The following NUMA1 variants were observed in gnomAD, a reference collection of about 807,000 sequenced individuals.
The protein encoded by NUMA1 is nuclear mitotic apparatus protein 1.
A neutral mutation model predicts 237.1 loss-of-function variants in NUMA1; 62 were observed. That is an observed-to-expected ratio of 0.26 (90% CI 0.21 to 0.32). NUMA1 has a LOEUF of 0.32. Among genes scored for constraint, NUMA1 ranks in the 10% least tolerant of loss-of-function variants. The pLI, the probability that NUMA1 is intolerant of heterozygous loss-of-function variation, is 1.00. For missense variants in NUMA1, 2,533 were observed against 2,666.5 expected (o/e 0.95, Z 1.10); for synonymous variants, 1,028 against 1,066.1 (o/e 0.96, Z 0.70).
chr11:72,012,327 C>A (rs1311040872), intron 16 of NUMA1, 74 bp downstream of exon 16: 2 of 1,443,358 alleles, frequency 1.4e-6, no homozygotes, highest in Non-Finnish European at 1.9e-6. Flanking sequence ...CGGAGGCAAG[C>A]TGCAGCCGGG....
At chr11:72,070,200 AACT>A (rs1218637050) in intron 1 of NUMA1, 1 of 152,188 alleles carries the variant, frequency 6.6e-6, no homozygotes, top group Non-Finnish European at 1.5e-5. Context: ...TAAGCCAGAA[AACT>A]TCTTCCTCAG....
chr11:72,017,945 A>C, intron 12 of NUMA1, 118 bp from the exon 13 acceptor site: 1 of 1,235,158 alleles, frequency 8.1e-7, no homozygotes. Context: ...ACCCTCTACA[A>C]ACCAATCACA....
At chr11:72,035,406 C>CT (rs200551589) in intron 3 of NUMA1, among the ~76,000 whole-genome samples, 5 of 144,186 alleles carry the variant, frequency 3.5e-5, no homozygotes, top group African/African-American at 1.0e-4. Context: ...ACCACCCCCC[C>CT]TTTTTTTTTT....
At position 72,003,912 on chromosome 11, in the gene NUMA1, CCAATGGCGGCAG is replaced by C; in HGVS notation, c.6299_6310del (p.Ala2100_Ile2103del). Reference sequence around the variant, plus strand: ...CTTGCCCTTGGCTCGAGGGGTGGCACCAATGGCGGCAGCAGTGGCGGCGCTGGCTGTGGTGGT... The same window carrying C: ...CTTGCCCTTGGCTCGAGGGGTGGCACCAGTGGCGGCGCTGGCTGTGGTGGT... On this transcript the variant is annotated inframe_deletion, in exon 26 of 27. Transcript: ENST00000393695. 6.2e-7 allele frequency: 1 copy of C among 1,613,508 alleles called. No individual in the cohort carries two copies. Among genetic ancestry groups the C allele is most frequent in the Non-Finnish European group, 8.5e-7 (1 of 1,179,832 alleles).
chr11:72,013,580 G>A lies in NUMA1; in HGVS notation c.3923C>T (p.Ser1308Leu), dbSNP rs1454664729. ...REEAEKQRVA[S>L]ENLRQELTSQ... The stretch of plus-strand genomic sequence containing the variant: ...GGTCAGCTCCTGCCGCAGGTTCTCT[G>A]AAGCCACCCGCTGTTTCTCAGCCTC... Residue 1308 changes from serine (S) to leucine (L), a missense_variant, in exon 15 of 27, where the codon TCA becomes TTA. By Grantham distance (145) the Ser-to-Leu change is moderately radical. Coordinates refer to ENST00000393695, the MANE Select transcript of NUMA1 (RefSeq NM_006185.4). The surrounding 1 kb of genome is among the most constrained non-coding windows in gnomAD (Gnocchi z 6.8). 2 of 1,612,846 alleles carry A rather than the reference G, an allele frequency of 1.2e-6. No homozygotes were observed. The highest frequency in any genetic ancestry group is 1.7e-6 in the Non-Finnish European group (2 of 1,180,024).
chr11:72,046,868 G>C (rs1306880384), intron 2 of NUMA1, among the ~76,000 whole-genome samples: 2 of 152,188 alleles, frequency 1.3e-5, no homozygotes, highest in South Asian at 4.1e-4. Context: ...GCTGAGGCAA[G>C]AGAATCACTT....
chr11:72,073,917 T>A (rs1943581892), intron 1 of NUMA1, among the ~76,000 whole-genome samples: 1 of 152,100 alleles, frequency 6.6e-6, no homozygotes, highest in Non-Finnish European at 1.5e-5. Flanking sequence ...CGAGGCTGGC[T>A]GCGGTGGATC....
rs535003776 is a variant in NUMA1, at chr11:72,080,391, C to T, written c.-103+67G>A. The T allele has an allele frequency of 2.0e-5, 3 of 151,504 alleles. No homozygotes were observed. The South Asian group carries it at 6.2e-4, about 32-fold the overall frequency. 9.4% of individuals were successfully genotyped at this position (151,504 alleles called of 1,614,324 possible). ...CGCTCGCAGCGGCCTCTCCAGCACC[C>T]CTTTTAGGCCTGAGCACCCGCAGGG... On this transcript the variant is annotated intron_variant, in intron 1 of 26. Coordinates refer to ENST00000393695, the MANE Select transcript of NUMA1 (RefSeq NM_006185.4).
chr11:72,037,460 C>G (rs1021749574), intron 2 of NUMA1, among the ~76,000 whole-genome samples: 1 of 151,910 alleles, frequency 6.6e-6, no homozygotes, highest in Non-Finnish European at 1.5e-5. Context: ...GAGCCGAGAT[C>G]GCACCACTGC....
At chr11:72,022,011 A>C (rs1030586206) in intron 7 of NUMA1, among the ~76,000 whole-genome samples, 19 of 151,846 alleles carry the variant, frequency 1.3e-4, no homozygotes, top group African/African-American at 4.4e-4. Flanking sequence ...GGGGAAAAAA[A>C]ACACACACAC....
At chr11:72,036,950 G>A (rs1356456391) in intron 2 of NUMA1, among the ~76,000 whole-genome samples, 3 of 152,148 alleles carry the variant, frequency 2.0e-5, no homozygotes, top group African/African-American at 7.2e-5. Flanking sequence ...TCTAGAAGGA[G>A]GAACAAGAGT....
At chr11:72,018,058 AG>A in intron 12 of NUMA1, 124 bp downstream of exon 12, 2 of 917,770 alleles carry the variant, frequency 2.2e-6, no homozygotes, top group Non-Finnish European at 3.5e-6. Context: ...CAAAATATGC[AG>A]GTCTCTGGAG....
intron 1 of NUMA1, among the ~76,000 whole-genome samples, chr11:72,077,806 TCC>T (rs1565303233): frequency 9.3e-6 from 1 of 107,686 alleles, no homozygotes. Context: ...AGAGTGAGAC[TCC>T]ATCTCAAAAA....
intron 2 of NUMA1, among the ~76,000 whole-genome samples, chr11:72,054,623 T>C (rs984389566): frequency 6.6e-6 from 1 of 152,054 alleles, no homozygotes. Context: ...GCAAAGATCA[T>C]GAGGCTAATA....
chr11:72,059,615 G>T (rs370943082), intron 2 of NUMA1, among the ~76,000 whole-genome samples: 1 of 152,152 alleles, frequency 6.6e-6, no homozygotes, highest in Admixed American at 6.6e-5. Flanking sequence ...GTAAGAATGT[G>T]CCACAACTTT....
chr11:72,079,531 C>G (rs1363589593), intron 1 of NUMA1, among the ~76,000 whole-genome samples: 13 of 150,616 alleles, frequency 8.6e-5, no homozygotes. Context: ...TAGGGCGAGA[C>G]TCCGTCTCAA....
At chr11:72,007,140 A>G (rs1167418836) in intron 21 of NUMA1, 49 bp downstream of exon 21, 1 of 1,594,174 alleles carries the variant, frequency 6.3e-7, no homozygotes, top group Non-Finnish European at 8.5e-7. Flanking sequence ...GATGCCCTTG[A>G]GAGGAAGTGG....
At chr11:72,003,585 GCCTGCACCCACTGGCTGGGAAGATCTCTT>G (rs1955415102) in intron 26 of NUMA1, 47 bp from the exon 27 acceptor site, 1 of 1,612,696 alleles carries the variant, frequency 6.2e-7, no homozygotes, top group South Asian at 1.1e-5. Context: ...TGCGATACTA[GCCTGCACCCACTGGCTGGGAAGATCTCTT>G]CCTGCTCCCA....
At chr11:72,008,656 AACAG>A in intron 20 of NUMA1, 28 bp downstream of exon 20, 6 of 1,611,984 alleles carry the variant, frequency 3.7e-6, no homozygotes, top group African/African-American at 1.3e-5. Flanking sequence ...GCACTCCATA[AACAG>A]ACATAGGGAG....
Sources: gnomAD v4.1 joint callset for allele counts (sites outside exome capture counted in the v4.1 genomes callset) on GRCh38, gnomAD v4.1.1 for gene constraint, Gnocchi (gnomAD v3.1) non-coding constraint, MANE v1.5 for transcripts, NCBI Gene and HGNC (gene_info 2026-07-23, HGNC 2026-07-21) for gene names.